The following ZNF503 variants were observed in gnomAD, a reference collection of about 807,000 sequenced individuals.
ZNF503 encodes NocA-like zinc finger 2.
In ZNF503, 15 loss-of-function variants were observed where a neutral mutation model predicts 34.4. The observed-to-expected ratio is 0.44, with a 90% CI of 0.29 to 0.67. The LOEUF (loss-of-function observed/expected upper bound fraction) is 0.67, where lower values mean the gene tolerates loss of function less well. Ranked by LOEUF, ZNF503 falls within the 30% of genes least tolerant of loss-of-function variation. ZNF503 has a pLI of 0.13. For missense variants in ZNF503, 1,007 were observed against 926.8 expected, an observed-to-expected ratio of 1.09 and a Z score of -1.12; for synonymous variants, 580 against 456.8, an observed-to-expected ratio of 1.27 and a Z score of -3.44.
chr10:75,293,649 G>A, the ZNF503 span, among the ~76,000 whole-genome samples: 1 of 151,894 alleles, frequency 6.6e-6, no homozygotes, highest in Non-Finnish European at 1.5e-5. Flanking sequence ...GTGTGTGCGT[G>A]TGTGTATGTG....
At chr10:75,386,251 C>G in the ZNF503 span, among the ~76,000 whole-genome samples, 21 of 152,276 alleles carry the variant, frequency 1.4e-4, no homozygotes, top group South Asian at 4.4e-3. Context: ...CTGGAATATG[C>G]CCAGATTTGA....
chr10:75,362,759 G>A, the ZNF503 span, among the ~76,000 whole-genome samples: 1 of 152,068 alleles, frequency 6.6e-6, no homozygotes, highest in African/African-American at 2.4e-5. Flanking sequence ...TAATAGTTGT[G>A]CTCACCAATT....
At chr10:75,362,708 G>T in the ZNF503 span, among the ~76,000 whole-genome samples, 1 of 152,258 alleles carries the variant, frequency 6.6e-6, no homozygotes, top group African/African-American at 2.4e-5. Flanking sequence ...TGCTGGTCTT[G>T]CTCAGGAACC....
intron 1 of ZNF503, 94 bp downstream of exon 1, chr10:75,401,011 C>A (rs757838722): frequency 1.9e-6 from 3 of 1,542,408 alleles, no homozygotes; most frequent in Admixed American, 3.7e-5. Context: ...ATCACTCCGA[C>A]CCCCCCACCT....
chr10:75,309,593 A>C, the ZNF503 span, among the ~76,000 whole-genome samples: 36 of 151,800 alleles, frequency 2.4e-4, no homozygotes, highest in African/African-American at 8.5e-4. Flanking sequence ...AGGTATGTAC[A>C]TTGTTTTTAA....
the ZNF503 span, among the ~76,000 whole-genome samples, chr10:75,340,439 T>G: frequency 6.6e-6 from 1 of 152,320 alleles, no homozygotes; most frequent in Admixed American, 6.5e-5. Flanking sequence ...GTTGGACAAG[T>G]GCACAAAGAT....
chr10:75,382,435 C>A, the ZNF503 span: 1 of 465,936 alleles, frequency 2.1e-6, no homozygotes. Context: ...TATCTGTTTC[C>A]ATTCTCTTTA....
the ZNF503 span, among the ~76,000 whole-genome samples, chr10:75,309,213 T>C: frequency 6.6e-6 from 1 of 152,220 alleles, no homozygotes; most frequent in African/African-American, 2.4e-5. Flanking sequence ...GTGAAGATGC[T>C]GTGAACATTG....
chr10:75,363,059 G>GGT, the ZNF503 span, among the ~76,000 whole-genome samples: 1 of 148,748 alleles, frequency 6.7e-6, no homozygotes, highest in Non-Finnish European at 1.5e-5. Context: ...TGTGGGCATG[G>GGT]GTGTGTGTGT....
In ZNF503 at chr10:75,399,561, G is replaced by A; in HGVS notation, c.1129C>T (p.His377Tyr). 2 of 1,595,928 alleles carry A rather than the reference G, an allele frequency of 1.3e-6. No individual in the cohort carries two copies. The highest frequency in any genetic ancestry group is 1.7e-6 in the Non-Finnish European group (2 of 1,178,858). ...TTGGTGGGGTCAAGTGCCACGCCGT[G>A]TGGCAGGAACTGGGGCGGGTAGCCG... ...YAGYPPQFLP[H>Y]GVALDPTKPG... The change falls in exon 2 of 2, where the codon CAC (histidine) becomes TAC (tyrosine). Residue 377 changes from histidine to tyrosine, a missense_variant. Physicochemically the swap from His to Tyr is moderately conservative, Grantham distance 83 (BLOSUM62 2). Coordinates refer to ENST00000372524, the MANE Select transcript of ZNF503 (RefSeq NM_032772.6).
At chr10:75,356,964 A>G in the ZNF503 span, among the ~76,000 whole-genome samples, 1 of 152,192 alleles carries the variant, frequency 6.6e-6, no homozygotes, top group East Asian at 1.9e-4. Context: ...ATTTATATAT[A>G]GCTCTTGTTT....
At chr10:75,322,080 C>A in the ZNF503 span, among the ~76,000 whole-genome samples, 1 of 151,844 alleles carries the variant, frequency 6.6e-6, no homozygotes, top group Non-Finnish European at 1.5e-5. Flanking sequence ...TCTATGCAAG[C>A]ACCTTGGAAT....
At chr10:75,338,387 A>T in the ZNF503 span, 1 of 152,216 alleles carries the variant, frequency 6.6e-6, no homozygotes, top group Non-Finnish European at 1.5e-5. Context: ...GAAGTCTCTC[A>T]CTTAAACTTT....
chr10:75,369,802 A>C, the ZNF503 span, among the ~76,000 whole-genome samples: 1 of 152,174 alleles, frequency 6.6e-6, no homozygotes, highest in Admixed American at 6.5e-5. Context: ...TGGCCGGGCT[A>C]ACACCTGTAA....
chr10:75,318,023 A>G, the ZNF503 span, among the ~76,000 whole-genome samples: 1 of 152,116 alleles, frequency 6.6e-6, no homozygotes, highest in Admixed American at 6.5e-5. Context: ...ATACATACAT[A>G]CATAAATCTT....
the ZNF503 span, among the ~76,000 whole-genome samples, chr10:75,342,345 A>G: frequency 1.3e-5 from 2 of 152,260 alleles, no homozygotes; most frequent in Admixed American, 6.5e-5. Flanking sequence ...CGGGATTTGC[A>G]TGCAGGAGTC....
chr10:75,296,043 A>C, the ZNF503 span, among the ~76,000 whole-genome samples: 1 of 152,240 alleles, frequency 6.6e-6, no homozygotes, highest in African/African-American at 2.4e-5. Context: ...GTTCCTAGTC[A>C]ACAAGACTAC....
the ZNF503 span, among the ~76,000 whole-genome samples, chr10:75,383,389 C>A: frequency 1.3e-5 from 2 of 152,190 alleles, no homozygotes; most frequent in African/African-American, 2.4e-5. Flanking sequence ...GCTCCTCTTG[C>A]CTGAGTTTCC....
downstream of ZNF503, among the ~76,000 whole-genome samples, chr10:75,397,272 CAGA>C (rs906805029): frequency 1.6e-3 from 247 of 152,302 alleles, 2 homozygotes; most frequent in African/African-American, 5.6e-3. Context: ...CCTGGGCAGC[CAGA>C]AGAAGAAAAG....
Sources: allele counts gnomAD v4.1 joint callset (sites outside exome capture counted in the v4.1 genomes callset), GRCh38; gene constraint gnomAD v4.1.1; transcripts MANE v1.5; gene names NCBI Gene and HGNC (gene_info 2026-07-23, HGNC 2026-07-21).